The following AP3B1 variants were observed in gnomAD, a reference collection of about 807,000 sequenced individuals.
AP3B1 encodes AP-3 complex subunit beta-1.
In AP3B1, 61 loss-of-function variants were observed where a neutral mutation model predicts 132.5. The ratio of observed to expected loss-of-function variants is 0.46; its 90% confidence interval spans 0.37 to 0.57. The LOEUF (loss-of-function observed/expected upper bound fraction) is 0.57, where lower values mean the gene tolerates loss of function less well. Ranked by LOEUF, AP3B1 falls within the 20% of genes least tolerant of loss-of-function variation. AP3B1 has a pLI of 0.00. For missense variants in AP3B1, 1,120 were observed against 1,289.4 expected (o/e 0.87, Z 2.01); for synonymous variants, 388 against 438.3 (o/e 0.89, Z 1.43).
At chr5:78,145,135 G>A (rs10942839) in intron 14 of AP3B1, among the ~76,000 whole-genome samples, 27,195 of 152,068 alleles carry the variant, frequency 0.18, 2,742 homozygotes, top group Admixed American at 0.27. Flanking sequence ...TGATTTGACC[G>A]AATTCAAAAT....
At chr5:78,191,868 T>C (rs555392955) in intron 7 of AP3B1, among the ~76,000 whole-genome samples, 101 of 152,258 alleles carry the variant, frequency 6.6e-4, no homozygotes, top group African/African-American at 2.4e-3. Context: ...TGAAAATATA[T>C]AGTCATTTGC....
intron 14 of AP3B1, among the ~76,000 whole-genome samples, chr5:78,155,742 A>T (rs1462393947): frequency 6.6e-6 from 1 of 151,102 alleles, no homozygotes. Context: ...TCAGTTATGG[A>T]TTTTTTTTTA....
At chr5:78,070,767 C>T (rs1346273390) in intron 22 of AP3B1, among the ~76,000 whole-genome samples, 2 of 151,380 alleles carry the variant, frequency 1.3e-5, no homozygotes, top group African/African-American at 4.8e-5. Flanking sequence ...TGAACAGACA[C>T]TTCTCAAAAG....
chr5:78,144,991 G>A (rs1207017706), intron 14 of AP3B1, among the ~76,000 whole-genome samples: 2 of 152,010 alleles, frequency 1.3e-5, no homozygotes, highest in African/African-American at 4.8e-5. Flanking sequence ...GAGCCACCAT[G>A]CCAGCTGATA....
At chr5:78,017,321 A>C (rs1236806680) in intron 25 of AP3B1, among the ~76,000 whole-genome samples, 2 of 152,036 alleles carry the variant, frequency 1.3e-5, no homozygotes, top group Non-Finnish European at 2.9e-5. Context: ...CTTTATTTTT[A>C]ACTCATGCTG....
chr5:78,110,309 T>A lies in AP3B1; in HGVS notation c.2295A>T (p.Ser765=). 1 of 1,610,120 alleles carries A rather than the reference T, an allele frequency of 6.2e-7. No individual in the cohort carries two copies. Among genetic ancestry groups the A allele is most frequent in the South Asian group, 1.1e-5 (1 of 90,576 alleles). Reference sequence around the variant, plus strand: ...AACTAGATTCGTCATTTGAAGAATCTGAAGTTTTAGATTTTTCATTTTCCT... The same window carrying A: ...AACTAGATTCGTCATTTGAAGAATCAGAAGTTTTAGATTTTTCATTTTCCT... ...GEKENEKSKT[S]DSSNDESSSI... Residue 765 remains serine (S), a synonymous_variant, in exon 20 of 27, where the codon TCA becomes TCT. Transcript: ENST00000255194.
At chr5:78,139,383 A>C (rs2112323185) in intron 15 of AP3B1, among the ~76,000 whole-genome samples, 1 of 152,296 alleles carries the variant, frequency 6.6e-6, no homozygotes, top group East Asian at 1.9e-4. Context: ...CTATTTTATC[A>C]AGAAACATGA....
intron 7 of AP3B1, among the ~76,000 whole-genome samples, chr5:78,214,328 A>G (rs1273695697): frequency 6.6e-6 from 1 of 152,210 alleles, no homozygotes; most frequent in Non-Finnish European, 1.5e-5. Context: ...TTCCTTTGCA[A>G]TGGCTTTAAA....
At chr5:78,046,174 A>C (rs1475492540) in intron 22 of AP3B1, among the ~76,000 whole-genome samples, 2 of 152,152 alleles carry the variant, frequency 1.3e-5, no homozygotes, top group Non-Finnish European at 2.9e-5. Flanking sequence ...ATGGACCTGT[A>C]CCAGGCCATG....
rs541484503 is a variant in AP3B1, at chr5:78,279,039, G to T, written c.129-11444C>A. 4.6e-5 allele frequency among the ~76,000 whole-genome samples: 7 copies of T among 152,038 alleles called. No individual in the cohort carries two copies. In the South Asian group the frequency reaches 1.5e-3, roughly 32 times the overall value. ...AAAGATTAAAATGGTATCATATGTTGATATGGAAAGACATATCAACATATG... is the reference window on the plus strand; with the variant it reads ...AAAGATTAAAATGGTATCATATGTTTATATGGAAAGACATATCAACATATG... On this transcript the variant is annotated intron_variant, in intron 1 of 26. Transcript: ENST00000255194.
In AP3B1 at chr5:78,195,267, G is replaced by A. The variant is rs560067344; in HGVS notation, c.787-13605C>T. Among the ~76,000 whole-genome samples the A allele has an allele frequency of 7.4e-4, 113 of 152,252 alleles. 1 individual carries two copies. Among genetic ancestry groups the A allele is most frequent in the East Asian group, 3.9e-3 (20 of 5,186 alleles). On this transcript the variant is annotated intron_variant, in intron 7 of 26. Transcript: ENST00000255194. ...ATGAGCTGATGAACAGTGCAGCTACGTGATGTATACATAGGGATTCGTTGA... is the reference window on the plus strand; with the variant it reads ...ATGAGCTGATGAACAGTGCAGCTACATGATGTATACATAGGGATTCGTTGA...
intron 5 of AP3B1, among the ~76,000 whole-genome samples, chr5:78,226,187 G>A (rs893235716): frequency 2.6e-5 from 4 of 152,030 alleles, no homozygotes; most frequent in Admixed American, 2.6e-4. Flanking sequence ...GAATATACTG[G>A]TGCCCAATGA....
chr5:78,173,327 T>A (rs1265547739), intron 11 of AP3B1, among the ~76,000 whole-genome samples: 1 of 152,184 alleles, frequency 6.6e-6, no homozygotes, highest in Non-Finnish European at 1.5e-5. Context: ...ACCTTCTGTC[T>A]CGTTGATTTG....
At chr5:78,129,079 T>G in intron 16 of AP3B1, 42 bp downstream of exon 16, 1 of 1,540,934 alleles carries the variant, frequency 6.5e-7, no homozygotes. Flanking sequence ...TTGTCATAAT[T>G]TTTTAGATAA....
chr5:78,175,740 T>C (rs1176290917), intron 10 of AP3B1, 43 bp from the exon 11 acceptor site: 4 of 1,606,364 alleles, frequency 2.5e-6, no homozygotes, highest in Middle Eastern at 1.7e-4. Flanking sequence ...ATGGTACTAA[T>C]GTGTTCATGT....
chr5:78,278,396 G>A lies in AP3B1; in HGVS notation c.129-10801C>T. ...GGGCGGATCACGAGGTCAGGAGATC[G>A]AGACCATCCCGGCTAAAACGGTGAA... On this transcript the variant is annotated intron_variant, in intron 1 of 26. Coordinates refer to ENST00000255194, the MANE Select transcript of AP3B1 (RefSeq NM_003664.5). Among the ~76,000 whole-genome samples, 2 of 92,210 alleles carry A rather than the reference G, an allele frequency of 2.2e-5. 1 individual carries two copies. The highest frequency in any genetic ancestry group is 6.0e-5 in the African/African-American group (2 of 33,358). The allele number at this position is 92,210 out of a possible 152,430, so 60.5% of individuals were successfully genotyped here.
chr5:78,002,004 A>C (rs1287302872), downstream of AP3B1: 2 of 152,250 alleles, frequency 1.3e-5, no homozygotes, highest in East Asian at 3.8e-4. Flanking sequence ...AAAGTTGGGC[A>C]TAAGGAAAAA....
intron 21 of AP3B1, among the ~76,000 whole-genome samples, chr5:78,095,538 T>C (rs143829403): frequency 6.6e-6 from 1 of 152,330 alleles, no homozygotes; most frequent in African/African-American, 2.4e-5. Flanking sequence ...TCATGGTTCC[T>C]TCACAAGGTT....
At chr5:78,190,967 T>G (rs1489717962) in intron 7 of AP3B1, among the ~76,000 whole-genome samples, 1 of 152,182 alleles carries the variant, frequency 6.6e-6, no homozygotes, top group Non-Finnish European at 1.5e-5. Context: ...ATGAGGCTCT[T>G]ACACAACTGC....
Sources: gnomAD v4.1 joint callset for allele counts (sites outside exome capture counted in the v4.1 genomes callset) on GRCh38, gnomAD v4.1.1 for gene constraint, MANE v1.5 for transcripts, NCBI Gene and HGNC (gene_info 2026-07-23, HGNC 2026-07-21) for gene names.